Variants in POGZ observed in about 807,000 individuals in gnomAD.
POGZ encodes pogo transposable element with ZNF domain.
Under a neutral mutation model 134.6 loss-of-function variants are expected in POGZ, and 17 were observed. The ratio of observed to expected loss-of-function variants is 0.13; its 90% CI spans 0.09 to 0.19. The LOEUF (loss-of-function observed/expected upper bound fraction) is 0.19, where lower values mean the gene tolerates loss of function less well. Ranked by LOEUF, POGZ falls within the 10% of genes least tolerant of loss-of-function variation. The pLI is 1.00. For missense variants in POGZ, 1,306 were observed against 1,769.7 expected (o/e 0.74, Z 4.70); for synonymous variants, 693 against 657.1 (o/e 1.05, Z -0.84).
At position 151,405,376 on chromosome 1, in the gene POGZ, T is replaced by C. The variant is rs769581210; in HGVS notation, c.3659A>G (p.Gln1220Arg). Residue 1220 changes from glutamine to arginine, a missense_variant, in exon 19 of 19, where the codon CAG (glutamine) becomes CGG (arginine). Around this residue, in one of 10 missense-constraint regions of POGZ, gnomAD observed 161 missense variants for 185.4 expected, o/e 0.87. Transcript: ENST00000271715. The surrounding 1 kb of genome is among the most constrained non-coding windows in gnomAD (Gnocchi z 4.9). Reference protein sequence around the residue: ...TRVWQKHTACQRSKGMLVMDC... With the variant: ...TRVWQKHTACRRSKGMLVMDC... ...CATCACAAGCATGCCTTTGCTGCGC[T>C]GGCAAGCTGTGTGCTTCTGCCACAC... The C allele has an allele frequency of 2.0e-5, 33 of 1,613,942 alleles. No homozygotes were observed. The East Asian group carries it at 6.5e-4, about 32-fold the overall frequency.
In POGZ at chr1:151,411,746, T is replaced by C; in HGVS notation, c.1805A>G (p.Tyr602Cys). Reference sequence around the variant, plus strand: ...CCGAAAATGGACATCTACCTCAGAGTAGAGTGAGGAGCGATATTGACACAC... The same window carrying C: ...CCGAAAATGGACATCTACCTCAGAGCAGAGTGAGGAGCGATATTGACACAC... ...CQVCQYRSSL[Y>C]SEVDVHFRMI... is the part of the protein sequence containing the mutation. The change falls in exon 12 of 19, where the codon TAC (tyrosine) becomes TGC (cysteine). Residue 602 changes from tyrosine to cysteine, a missense_variant. By Grantham distance (194) the Tyr-to-Cys change is radical. This residue lies in a region of POGZ where 149 missense variants were observed against 237.5 expected (regional missense o/e 0.63). Coordinates refer to ENST00000271715, the MANE Select transcript of POGZ (RefSeq NM_015100.4). 1 of 1,612,086 alleles carries C rather than the reference T, an allele frequency of 6.2e-7. No individual in the cohort carries two copies. The highest frequency in any genetic ancestry group is 8.5e-7 in the Non-Finnish European group (1 of 1,179,446).
chr1:151,451,245 C>T (rs971293909), intron 1 of POGZ, among the ~76,000 whole-genome samples: 2 of 150,466 alleles, frequency 1.3e-5, no homozygotes, highest in Non-Finnish European at 2.9e-5. Flanking sequence ...AACAAATACA[C>T]AAGAAAAGCC....
intron 1 of POGZ, among the ~76,000 whole-genome samples, chr1:151,443,453 A>G (rs144930335): frequency 6.6e-6 from 1 of 152,300 alleles, no homozygotes; most frequent in East Asian, 1.9e-4. Context: ...TAATCCCAGC[A>G]CTTTGGGAGG....
chr1:151,417,077 T>C lies in POGZ; in HGVS notation c.1679-4681A>G, dbSNP rs182123620. Among the ~76,000 whole-genome samples the C allele has an allele frequency of 3.5e-3, 531 of 152,242 alleles. 3 individuals carry two copies. The highest frequency in any genetic ancestry group is 5.8e-3 in the Non-Finnish European group (393 of 68,020). ...ATTAATTCTGTTAGATCTTTTTTTT[T>C]TTTTTGAGACGGAGTCTTGCTCTGT... On this transcript the variant is annotated intron_variant, in intron 10 of 18. Transcript: ENST00000271715.
chr1:151,440,875 TA>T, intron 3 of POGZ, 52 bp downstream of exon 3: 1 of 1,526,332 alleles, frequency 6.6e-7, no homozygotes, highest in South Asian at 1.1e-5. Context: ...AGACCTTTTT[TA>T]TTCTTTCACC....
intron 1 of POGZ, among the ~76,000 whole-genome samples, chr1:151,445,174 G>C (rs796797613): frequency 7.9e-5 from 12 of 152,220 alleles, no homozygotes; most frequent in African/African-American, 2.9e-4. Context: ...CTTCTCCTTA[G>C]GTATGAGTAC....
chr1:151,455,897 T>TTC (rs1553237650), intron 1 of POGZ, among the ~76,000 whole-genome samples: 94 of 139,294 alleles, frequency 6.7e-4, no homozygotes, highest in African/African-American at 2.4e-3. Flanking sequence ...TTTCTTTCTT[T>TTC]TTTTTTTTTT....
At chr1:151,439,262 T>C (rs556069532) in intron 3 of POGZ, among the ~76,000 whole-genome samples, 12 of 152,336 alleles carry the variant, frequency 7.9e-5, no homozygotes, top group African/African-American at 1.7e-4. Flanking sequence ...TGTAAAATAA[T>C]AGAAATCTTT....
chr1:151,453,397 C>T (rs982946192), intron 1 of POGZ, among the ~76,000 whole-genome samples: 6 of 151,806 alleles, frequency 4.0e-5, no homozygotes, highest in African/African-American at 1.4e-4. Context: ...TTGATTTATT[C>T]CCAGGACCAA....
In POGZ at chr1:151,420,860, T is replaced by C. The variant is rs78243744; in HGVS notation, c.1678+2537A>G. 7.3e-3 allele frequency among the ~76,000 whole-genome samples: 1,113 copies of C among 152,186 alleles called. 13 individuals carry two copies. The highest frequency in any genetic ancestry group is 0.025 in the African/African-American group (1,042 of 41,522). On this transcript the variant is annotated intron_variant, in intron 10 of 18. Transcript: ENST00000271715. ...TACTGAATAAAATATGCTGTTAAAA[T>C]TAATTTTGCCTGTTTTTTTAAACTT...
At chr1:151,428,704 A>G (rs1658175981) in intron 5 of POGZ, among the ~76,000 whole-genome samples, 1 of 152,220 alleles carries the variant, frequency 6.6e-6, no homozygotes, top group African/African-American at 2.4e-5. Flanking sequence ...TGACCTCGGT[A>G]CTGGAAGAAA....
At chr1:151,413,433 G>C (rs1322910793) in intron 10 of POGZ, among the ~76,000 whole-genome samples, 1 of 151,816 alleles carries the variant, frequency 6.6e-6, no homozygotes, top group Non-Finnish European at 1.5e-5. Context: ...GGCCAATTTT[G>C]GTAAGACTTT....
intron 3 of POGZ, among the ~76,000 whole-genome samples, chr1:151,435,876 A>C (rs1184153869): frequency 6.6e-6 from 1 of 152,114 alleles, no homozygotes; most frequent in Non-Finnish European, 1.5e-5. Context: ...CATTTAAAAT[A>C]CACAATTCAG....
At chr1:151,409,763 T>TGA (rs1464447066) in intron 12 of POGZ, among the ~76,000 whole-genome samples, 3 of 152,208 alleles carry the variant, frequency 2.0e-5, no homozygotes, top group African/African-American at 7.2e-5. Flanking sequence ...TTAACACAAA[T>TGA]GATAGCACTT....
At chr1:151,422,428 GTAGAGGTGTATT>G (rs1457535385) in intron 10 of POGZ, among the ~76,000 whole-genome samples, 4 of 152,160 alleles carry the variant, frequency 2.6e-5, no homozygotes, top group Non-Finnish European at 4.4e-5. Context: ...TGTATCCCCA[GTAGAGGTGTATT>G]TAGAGGTGTA....
At chr1:151,417,135 C>A (rs1251453236) in intron 10 of POGZ, among the ~76,000 whole-genome samples, 2 of 151,512 alleles carry the variant, frequency 1.3e-5, no homozygotes, top group Non-Finnish European at 2.9e-5. Context: ...GCGATCTCAG[C>A]TCACTGCAAC....
At chr1:151,409,097 G>A (rs1654190222) in intron 12 of POGZ, among the ~76,000 whole-genome samples, 1 of 152,138 alleles carries the variant, frequency 6.6e-6, no homozygotes, top group Non-Finnish European at 1.5e-5. Context: ...TTAACAATTT[G>A]AATGAGTGAT....
intron 3 of POGZ, among the ~76,000 whole-genome samples, chr1:151,436,143 A>AAACAG (rs1315453484): frequency 6.6e-6 from 1 of 151,694 alleles, no homozygotes; most frequent in Non-Finnish European, 1.5e-5. Flanking sequence ...TTTTTAGTAG[A>AAACAG]AACAGGGTTT....
At chr1:151,434,444 G>A (rs1415795583) in intron 3 of POGZ, among the ~76,000 whole-genome samples, 1 of 152,094 alleles carries the variant, frequency 6.6e-6, no homozygotes, top group Non-Finnish European at 1.5e-5. Flanking sequence ...TGCCACTACT[G>A]CACTCCAGCC....
Sources: allele counts gnomAD v4.1 joint callset (sites outside exome capture counted in the v4.1 genomes callset), GRCh38; gene constraint gnomAD v4.1.1; regional missense constraint gnomAD v4.1.1; non-coding constraint Gnocchi (gnomAD v3.1); transcripts MANE v1.5; gene names NCBI Gene and HGNC (gene_info 2026-07-23, HGNC 2026-07-21).